The following WDFY3 variants were observed in gnomAD, a reference collection of about 807,000 sequenced individuals.
WDFY3 encodes the protein WD repeat and FYVE domain containing 3.
WDFY3 carries 66 observed loss-of-function variants against 409.6 expected under a neutral mutation model. The observed-to-expected ratio is 0.16, with a 90% CI of 0.13 to 0.20. The LOEUF is 0.20. WDFY3 is among the 10% of genes least tolerant of loss of function. The probability of loss-of-function intolerance (pLI) is 1.00; values close to 1 mark genes in which losing one functional copy is unlikely to be tolerated. For missense variants in WDFY3, 3,031 were observed against 4,298.1 expected (o/e 0.71, Z 8.24); for synonymous variants, 1,521 against 1,537.1 (o/e 0.99, Z 0.25).
At chr4:84,683,819 G>T in intron 63 of WDFY3, 124 bp downstream of exon 63, 1 of 1,014,786 alleles carries the variant, frequency 9.9e-7, no homozygotes, top group Non-Finnish European at 1.4e-6. Context: ...GCCTGTCTGA[G>T]CTGGAGCGAG....
In WDFY3 at chr4:84,684,310, CTTCT is replaced by C. The variant is rs942352484; in HGVS notation, c.9544-189_9544-186del. On this transcript the variant is annotated intron_variant, in intron 62 of 67. Transcript: ENST00000295888. ...TAAAAAAAAATACTCCGAACAGAGG[CTTCT>C]TTAAGAATTCACAGTTGAGTGGATG... is the stretch of plus-strand genomic sequence containing the variant. Among the ~76,000 whole-genome samples, 24 of 152,234 alleles carry C rather than the reference CTTCT, an allele frequency of 1.6e-4. 1 individual carries two copies. Among genetic ancestry groups the C allele is most frequent in the African/African-American group, 4.1e-4 (17 of 41,542 alleles).
intron 67 of WDFY3, among the ~76,000 whole-genome samples, chr4:84,675,663 A>G (rs1315179472): frequency 6.6e-6 from 1 of 152,228 alleles, no homozygotes. Flanking sequence ...AATGCTGCCT[A>G]TAAAACCTCA....
rs943566034 is a variant in WDFY3 at position 84,961,539 on chromosome 4, CT to C, written c.-226+4669del. On this transcript the variant is annotated intron_variant, in intron 1 of 67. Transcript: ENST00000295888. ...TAGAATAATTCCCTAATGATTATTC[CT>C]TTACAAAAAGTAATTTTAACAACAT... 8.9e-4 allele frequency among the ~76,000 whole-genome samples: 136 copies of C among 152,096 alleles called. 2 individuals carry two copies. Among genetic ancestry groups the C allele is most frequent in the African/African-American group, 3.2e-3 (134 of 41,500 alleles).
chr4:84,859,513 G>A (rs1760260065), intron 4 of WDFY3, among the ~76,000 whole-genome samples: 1 of 152,180 alleles, frequency 6.6e-6, no homozygotes, highest in South Asian at 2.1e-4. Context: ...CTATAAGCCT[G>A]TGAAACTATC....
At chr4:84,901,470 C>CA (rs1766336932) in intron 2 of WDFY3, among the ~76,000 whole-genome samples, 1 of 152,162 alleles carries the variant, frequency 6.6e-6, no homozygotes, top group Middle Eastern at 3.2e-3. Context: ...AGCAGGCCCC[C>CA]ACCAGAGGGA....
intron 43 of WDFY3, among the ~76,000 whole-genome samples, chr4:84,734,647 A>AT (rs1737137237): frequency 6.6e-6 from 1 of 152,182 alleles, no homozygotes; most frequent in African/African-American, 2.4e-5. Context: ...CAATCTTGTA[A>AT]TTTTTTACAA....
At chr4:84,920,971 CAG>C (rs963304131) in intron 2 of WDFY3, among the ~76,000 whole-genome samples, 3 of 152,084 alleles carry the variant, frequency 2.0e-5, no homozygotes, top group Non-Finnish European at 4.4e-5. Context: ...CACACTGCTA[CAG>C]AGTGAATTCC....
intron 62 of WDFY3, among the ~76,000 whole-genome samples, chr4:84,684,683 TG>T (rs1727997886): frequency 6.6e-6 from 1 of 151,578 alleles, no homozygotes. Context: ...TGGGGGAATG[TG>T]GGGGGAGAAA....
chr4:84,810,156 C>T lies in WDFY3; in HGVS notation c.2076G>A (p.Leu692=), dbSNP rs893574928. The T allele has an allele frequency of 3.1e-6, 5 of 1,613,976 alleles. No homozygotes were observed. Among genetic ancestry groups the T allele is most frequent in the Non-Finnish European group, 4.2e-6 (5 of 1,179,990 alleles). The part of the protein sequence containing the change: ...FELLHTVFCT[L]TAAMRYEPAN... ...CTGGCTCATAGCGCATTGCTGCAGT[C>T]AACGTGCAGAACACAGTGTGAAGAA... is the stretch of plus-strand genomic sequence containing the variant. Residue 692 remains leucine (L), a synonymous_variant, in exon 14 of 68, where the codon TTG becomes TTA. Coordinates refer to ENST00000295888, the MANE Select transcript of WDFY3 (RefSeq NM_014991.6).
chr4:84,736,396 T>C, intron 41 of WDFY3, 69 bp from the exon 42 acceptor site: 1 of 1,425,952 alleles, frequency 7.0e-7, no homozygotes, highest in Non-Finnish European at 9.3e-7. Flanking sequence ...TTTAAAAACT[T>C]ATCTGGTTAT....
At chr4:84,697,115 C>T (rs1730275643) in intron 56 of WDFY3, among the ~76,000 whole-genome samples, 2 of 152,170 alleles carry the variant, frequency 1.3e-5, no homozygotes, top group Admixed American at 6.5e-5. Context: ...GAGTCTTGAG[C>T]GCAGGACTCC....
At chr4:84,729,342 T>C (rs1736188696) in intron 44 of WDFY3, among the ~76,000 whole-genome samples, 1 of 151,996 alleles carries the variant, frequency 6.6e-6, no homozygotes, top group Non-Finnish European at 1.5e-5. Context: ...CTATCTATAA[T>C]ATTTGTTTAA....
chr4:84,906,855 G>A (rs1270774045), intron 2 of WDFY3, among the ~76,000 whole-genome samples: 6 of 150,740 alleles, frequency 4.0e-5, no homozygotes, highest in Admixed American at 1.3e-4. Flanking sequence ...TCTTCTCCCA[G>A]TGTGGCCCAG....
chr4:84,838,869 C>A (rs1204256946), intron 6 of WDFY3, among the ~76,000 whole-genome samples: 2 of 152,170 alleles, frequency 1.3e-5, no homozygotes, highest in African/African-American at 4.8e-5. Context: ...ACTATATATG[C>A]CCCATTATTA....
intron 56 of WDFY3, among the ~76,000 whole-genome samples, chr4:84,697,582 AATCT>A (rs1371267651): frequency 6.6e-6 from 1 of 152,208 alleles, no homozygotes; most frequent in Non-Finnish European, 1.5e-5. Context: ...TTCACTGTGA[AATCT>A]ATCCACATCA....
chr4:84,918,051 T>A (rs1222554825), intron 2 of WDFY3, among the ~76,000 whole-genome samples: 1 of 152,124 alleles, frequency 6.6e-6, no homozygotes, highest in Non-Finnish European at 1.5e-5. Flanking sequence ...AGCTTGACAA[T>A]AGACTCACTT....
chr4:84,793,500 T>C (rs906179295), intron 21 of WDFY3, among the ~76,000 whole-genome samples: 2 of 152,172 alleles, frequency 1.3e-5, no homozygotes, highest in Non-Finnish European at 2.9e-5. Flanking sequence ...TTTTTTCCCA[T>C]GAAGAGCTGG....
chr4:84,764,342 T>C (rs1560699086), intron 32 of WDFY3, among the ~76,000 whole-genome samples: 1 of 152,210 alleles, frequency 6.6e-6, no homozygotes, highest in Non-Finnish European at 1.5e-5. Flanking sequence ...ATCATATCTG[T>C]AGATTAAATC....
chr4:84,715,593 T>C (rs986212441), intron 49 of WDFY3, among the ~76,000 whole-genome samples: 2 of 151,672 alleles, frequency 1.3e-5, no homozygotes, highest in African/African-American at 2.4e-5. Flanking sequence ...GCTAACACAG[T>C]GAAACCCCGT....
Sources: allele counts gnomAD v4.1 joint callset (sites outside exome capture counted in the v4.1 genomes callset), GRCh38; gene constraint gnomAD v4.1.1; transcripts MANE v1.5; gene names NCBI Gene and HGNC (gene_info 2026-07-23, HGNC 2026-07-21).